ATAD3A: variants seen among roughly 807,000 people sequenced by gnomAD.
The protein encoded by ATAD3A is ATPase family AAA domain-containing protein 3A.
ATAD3A carries 46 observed loss-of-function variants against 73.8 expected under a neutral mutation model. The ratio of observed to expected loss-of-function variants is 0.62; its 90% CI spans 0.49 to 0.80. ATAD3A has a LOEUF of 0.80. ATAD3A is among the 30% of genes least tolerant of loss of function. The pLI is 0.00. For synonymous variants in ATAD3A, 319 were observed against 350.0 expected (o/e 0.91, Z 0.99); for missense variants, 705 against 838.0 (o/e 0.84, Z 1.96).
At chr1:1,527,096 C>T in intron 13 of ATAD3A, 3 of 1,177,568 alleles carry the variant, frequency 2.5e-6, no homozygotes, top group Non-Finnish European at 3.4e-6. Flanking sequence ...GCCCCATGGC[C>T]AGGCTCCCTA....
At chr1:1,518,731 C>T (rs929663636) in intron 4 of ATAD3A, among the ~76,000 whole-genome samples, 190 bp from the exon 5 acceptor site, 4 of 149,516 alleles carry the variant, frequency 2.7e-5, no homozygotes, top group African/African-American at 9.9e-5. Flanking sequence ...GGCACAATCA[C>T]CCCCACACAC....
intron 1 of ATAD3A, among the ~76,000 whole-genome samples, chr1:1,513,494 G>A (rs1641263305): frequency 6.6e-6 from 1 of 151,354 alleles, no homozygotes; most frequent in African/African-American, 2.4e-5. Flanking sequence ...CCGCTCTGCC[G>A]GCGTTGCCAG....
chr1:1,525,657 T>C lies in ATAD3A; in HGVS notation c.1266+366T>C, dbSNP rs769674626. ...TCTCGATCTCCTGACCTCGTGATCCTCCCGCCTTGGCCTCCCAAAGTGCTG... is the reference window on the plus strand; with the variant it reads ...TCTCGATCTCCTGACCTCGTGATCCCCCCGCCTTGGCCTCCCAAAGTGCTG... On this transcript the variant is annotated intron_variant, in intron 12 of 15. Coordinates refer to ENST00000378756, the MANE Select transcript of ATAD3A (RefSeq NM_001170535.3). Among the ~76,000 whole-genome samples, 28 of 152,196 alleles carry C rather than the reference T, an allele frequency of 1.8e-4. No individual in the cohort carries two copies. The East Asian group carries it at 5.4e-3, about 30-fold the overall frequency.
chr1:1,531,214 GGAGGCCAAGGCGGGCAGATCAC>G (rs1642022693), intron 15 of ATAD3A, among the ~76,000 whole-genome samples: 1 of 152,102 alleles, frequency 6.6e-6, no homozygotes, highest in Non-Finnish European at 1.5e-5. Flanking sequence ...TAGCACTTTG[GGAGGCCAAGGCGGGCAGATCAC>G]GAGGTCAAGA....
At chr1:1,527,577 G>C (rs376994832) in intron 13 of ATAD3A, 118 bp from the exon 14 acceptor site, 14 of 1,331,894 alleles carry the variant, frequency 1.1e-5, no homozygotes, top group Non-Finnish European at 1.4e-5. Flanking sequence ...GGCTGTGCCC[G>C]TGTCCTCGTG....
rs749656444 is a variant in ATAD3A at position 1,523,624 on chromosome 1, C to T, written c.963+57C>T. On this transcript the variant is annotated intron_variant, in intron 9 of 15. Transcript: ENST00000378756. This position sits in a 1 kb window ranked among gnomAD's most constrained non-coding sequence, Gnocchi z 5.1. ...CAGGGAGGGGACCCTGGAGCTGGGCCGGGCTGTGGCCCTTGCTGGCGCTCG... is the reference window on the plus strand; with the variant it reads ...CAGGGAGGGGACCCTGGAGCTGGGCTGGGCTGTGGCCCTTGCTGGCGCTCG... 3.5e-5 allele frequency: 56 copies of T among 1,609,714 alleles called. No homozygotes were observed. The highest frequency in any genetic ancestry group is 1.5e-4 in the Admixed American group (9 of 59,666).
intron 4 of ATAD3A, among the ~76,000 whole-genome samples, chr1:1,518,239 G>GCA (rs949137447): frequency 1.9e-4 from 28 of 146,250 alleles, no homozygotes; most frequent in Middle Eastern, 3.6e-3. Flanking sequence ...CATACACCCC[G>GCA]CACACACACA....
chr1:1,515,897 G>T, intron 1 of ATAD3A, 115 bp from the exon 2 acceptor site: 1 of 1,148,942 alleles, frequency 8.7e-7, no homozygotes, highest in Non-Finnish European at 1.3e-6. Context: ...AGGGCTGGGG[G>T]CTTTGAGGTC....
chr1:1,522,941 C>G (rs1398966932), intron 8 of ATAD3A, 42 bp downstream of exon 8: 1 of 1,596,696 alleles, frequency 6.3e-7, no homozygotes, highest in Non-Finnish European at 8.5e-7. Context: ...CAGTTCCTGG[C>G]TGAGTCCCTT....
intron 3 of ATAD3A, 30 bp downstream of exon 3, chr1:1,517,442 C>A: frequency 6.8e-7 from 1 of 1,468,508 alleles, no homozygotes. Flanking sequence ...CGAGGGAGGC[C>A]GCCCGGCTGC....
chr1:1,527,431 G>A (rs1385729040), intron 13 of ATAD3A, among the ~76,000 whole-genome samples: 1 of 152,232 alleles, frequency 6.6e-6, no homozygotes, highest in East Asian at 1.9e-4. Flanking sequence ...TCAGGCAGCA[G>A]GAGAGAGTGG....
At chr1:1,527,013 T>G (rs1191599593) in intron 13 of ATAD3A, 8 of 430,230 alleles carry the variant, frequency 1.9e-5, no homozygotes, top group African/African-American at 4.2e-5. Flanking sequence ...GGGTGCACCC[T>G]CCAGGCTTGG....
rs1011356583 is a variant in ATAD3A at position 1,515,913 on chromosome 1, G to A, written c.206-99G>A. 18 of 1,409,802 alleles carry A rather than the reference G, an allele frequency of 1.3e-5. 1 individual carries two copies. Among genetic ancestry groups the A allele is most frequent in the Middle Eastern group, 1.8e-4 (1 of 5,556 alleles). 87.3% of individuals were successfully genotyped at this position (1,409,802 alleles called of 1,614,324 possible). A position where few individuals can be genotyped will look rare whatever the true frequency, so the allele number is the denominator to read the frequency against. The stretch of plus-strand genomic sequence containing the variant: ...GGGCTGGGGGCTTTGAGGTCGAGGC[G>A]TGGCCGTGGATTCCAGAAAGCCCCT... On this transcript the variant is annotated intron_variant, in intron 1 of 15. Coordinates refer to ENST00000378756, the MANE Select transcript of ATAD3A (RefSeq NM_001170535.3).
At position 1,523,911 on chromosome 1, in the gene ATAD3A, A is replaced by G. The variant is rs1324418287; in HGVS notation, c.1036A>G (p.Arg346Gly). 6 of 1,613,968 alleles carry G rather than the reference A, an allele frequency of 3.7e-6. No individual in the cohort carries two copies. Among genetic ancestry groups the G allele is most frequent in the African/African-American group, 1.3e-5 (1 of 74,946 alleles). The change falls in exon 10 of 16, where the codon AGG becomes GGG. Residue 346 changes from arginine (R) to glycine (G), a missense_variant. Arg to Gly is a moderately radical substitution (Grantham distance 125). Around this residue, in one of 5 missense-constraint regions of ATAD3A, gnomAD observed 315 missense variants for 334.1 expected, o/e 0.94. Coordinates refer to ENST00000378756, the MANE Select transcript of ATAD3A (RefSeq NM_001170535.3). The surrounding 1 kb of genome is among the most constrained non-coding windows in gnomAD (Gnocchi z 5.1). The stretch of plus-strand genomic sequence containing the variant: ...CACCAAGAAGAACCGCAGCCTGTAC[A>G]GGAACATCCTGATGTACGGGCCACC... The part of the protein sequence containing the change: ...RNTKKNRSLY[R>G]NILMYGPPGT...
chr1:1,512,606 C>A (rs1439550867), intron 1 of ATAD3A, 133 bp downstream of exon 1: 2 of 1,409,506 alleles, frequency 1.4e-6, no homozygotes, highest in Non-Finnish European at 9.4e-7. Flanking sequence ...CGGAGCACCC[C>A]CGGCCGGAGC....
chr1:1,533,307 C>A (rs1410160376), intron 15 of ATAD3A, among the ~76,000 whole-genome samples: 1 of 152,234 alleles, frequency 6.6e-6, no homozygotes, highest in South Asian at 2.1e-4. Context: ...GACTCCACGC[C>A]CTTCGCTGGC....
In ATAD3A at chr1:1,517,903, G is replaced by A. The variant is rs1000613827; in HGVS notation, c.444+128G>A. 1.3e-4 allele frequency: 180 copies of A among 1,345,928 alleles called. No homozygotes were observed. In the African/African-American group the frequency reaches 2.1e-3, roughly 16 times the overall value. 83.4% of individuals were successfully genotyped at this position (1,345,928 alleles called of 1,614,324 possible). On this transcript the variant is annotated intron_variant, in intron 4 of 15. Coordinates refer to ENST00000378756, the MANE Select transcript of ATAD3A (RefSeq NM_001170535.3). ...TTGCTGACGGTGGGTGCTAGAGCAG[G>A]GGAAACTACTCGGACAGACACGCAC...
intron 7 of ATAD3A, among the ~76,000 whole-genome samples, chr1:1,522,085 G>C (rs1641619043): frequency 6.6e-6 from 1 of 151,894 alleles, no homozygotes; most frequent in South Asian, 2.1e-4. Flanking sequence ...TGTTGCATAG[G>C]CTGGAGTGTA....
chr1:1,521,298 CAAAAAAA>C (rs1001385922), intron 7 of ATAD3A, among the ~76,000 whole-genome samples: 4 of 25,350 alleles, frequency 1.6e-4, no homozygotes, highest in African/African-American at 3.7e-4. Context: ...GGCTTCTTCT[CAAAAAAA>C]AAAAAAAAAA....
Sources: gnomAD v4.1 joint callset for allele counts (sites outside exome capture counted in the v4.1 genomes callset) on GRCh38, gnomAD v4.1.1 for gene constraint, gnomAD v4.1.1 regional missense constraint, Gnocchi (gnomAD v3.1) non-coding constraint, MANE v1.5 for transcripts, NCBI Gene and HGNC (gene_info 2026-07-23, HGNC 2026-07-21) for gene names.